Variants in WNT4 observed in about 807,000 individuals in gnomAD.
WNT4 encodes protein Wnt-4.
A neutral mutation model predicts 34.5 loss-of-function variants in WNT4; 16 were observed. That is an observed-to-expected ratio of 0.46 (90% CI 0.31 to 0.70). The LOEUF is 0.70. Among genes scored for constraint, WNT4 ranks in the 30% least tolerant of loss-of-function variants. The pLI, the probability that WNT4 is intolerant of heterozygous loss-of-function variation, is 0.04. For missense variants in WNT4, 379 were observed against 495.9 expected (o/e 0.76, Z 2.24); for synonymous variants, 200 against 211.9 (o/e 0.94, Z 0.49).
chr1:22,126,094 C>T (rs1295831190), intron 2 of WNT4, among the ~76,000 whole-genome samples: 2 of 152,240 alleles, frequency 1.3e-5, no homozygotes, highest in Non-Finnish European at 2.9e-5. Flanking sequence ...CACCGATCCC[C>T]GCCCTCCCGG....
At position 22,119,185 on chromosome 1, in the gene WNT4, T is replaced by G. The variant is rs1645872203; in HGVS notation, c.*865A>C. The G allele has an allele frequency of 8.7e-6, 1 of 114,792 alleles. No individual in the cohort carries two copies. The highest frequency in any genetic ancestry group is 3.6e-5 in the African/African-American group (1 of 27,658). 7.1% of individuals were successfully genotyped at this position (114,792 alleles called of 1,614,324 possible). A position where few individuals can be genotyped will look rare whatever the true frequency, so the allele number is the denominator to read the frequency against. Reference sequence around the variant, plus strand: ...TCTCTCTCGCAGGTGTGTGTGTGTGTCCGTGTGTGTGTGTGTGTGTGTGTG... The same window carrying G: ...TCTCTCTCGCAGGTGTGTGTGTGTGGCCGTGTGTGTGTGTGTGTGTGTGTG... On this transcript the variant is annotated 3_prime_UTR_variant, in exon 5 of 5. Coordinates refer to ENST00000290167, the MANE Select transcript of WNT4 (RefSeq NM_030761.5).
At chr1:22,136,106 G>A (rs1646019692) in intron 1 of WNT4, among the ~76,000 whole-genome samples, 1 of 152,130 alleles carries the variant, frequency 6.6e-6, no homozygotes. Flanking sequence ...CTCACTGTAT[G>A]TATTCCCAGC....
At chr1:22,126,302 G>C (rs914797146) in intron 2 of WNT4, among the ~76,000 whole-genome samples, 6 of 152,174 alleles carry the variant, frequency 3.9e-5, no homozygotes, top group African/African-American at 1.4e-4. Flanking sequence ...TGAGCCGTGT[G>C]GGGGTCAGTT....
chr1:22,120,969 T>C (rs984373394), intron 4 of WNT4, among the ~76,000 whole-genome samples: 1 of 151,944 alleles, frequency 6.6e-6, no homozygotes, highest in Non-Finnish European at 1.5e-5. Flanking sequence ...GATGGACACA[T>C]ATATGTATGT....
chr1:22,142,797 G>A lies in WNT4; in HGVS notation c.77+49C>T. 2 of 1,079,898 alleles carry A rather than the reference G, an allele frequency of 1.9e-6. No individual in the cohort carries two copies. The highest frequency in any genetic ancestry group is 2.3e-6 in the Non-Finnish European group (2 of 876,420). The allele number at this position is 1,079,898 out of a possible 1,614,324, so 66.9% of individuals were successfully genotyped here. The stretch of plus-strand genomic sequence containing the variant: ...CCGCCTGGCACCGGCCGCTGCCCCC[G>A]GGGCCTGCCCCGCCCCGCCCCGCCC... On this transcript the variant is annotated intron_variant, in intron 1 of 4. Transcript: ENST00000290167. The surrounding 1 kb of genome is among the most constrained non-coding windows in gnomAD (Gnocchi z 6.0).
intron 1 of WNT4, among the ~76,000 whole-genome samples, chr1:22,135,446 G>A (rs945236742): frequency 2.6e-5 from 4 of 152,250 alleles, no homozygotes; most frequent in Non-Finnish European, 4.4e-5. Flanking sequence ...ACTGAGGCAT[G>A]AAGTTTGGCA....
In WNT4 at chr1:22,118,878, C is replaced by T. The variant is rs1463807092; in HGVS notation, c.*1172G>A. 6.6e-6 allele frequency: 1 copy of T among 152,228 alleles called. No homozygotes were observed. The allele number at this position is 152,228 out of a possible 1,614,324, so 9.4% of individuals were successfully genotyped here. A position where few individuals can be genotyped will look rare whatever the true frequency, so the allele number is the denominator to read the frequency against. On this transcript the variant is annotated 3_prime_UTR_variant, in exon 5 of 5. Coordinates refer to ENST00000290167, the MANE Select transcript of WNT4 (RefSeq NM_030761.5). ...CTGTGAGAGGTCTGGGGAGCACTGC[C>T]GTCTCTGATGTCAGATGGGCATTAG...
Position 22,137,874 on chromosome 1 carries a change from C to T in WNT4, c.77+4972G>A, listed in dbSNP as rs148243700. 7.6e-4 allele frequency among the ~76,000 whole-genome samples: 116 copies of T among 152,330 alleles called. No homozygotes were observed. The highest frequency in any genetic ancestry group is 2.6e-3 in the African/African-American group (108 of 41,570). On this transcript the variant is annotated intron_variant, in intron 1 of 4. Transcript: ENST00000290167. The surrounding 1 kb of genome is among the most constrained non-coding windows in gnomAD (Gnocchi z 5.3). ...CCCACCTCTGTGCCTTTTAGTATCACCTGAGCCTCAGGGCAGTGGAGCAGA... is the reference window on the plus strand; with the variant it reads ...CCCACCTCTGTGCCTTTTAGTATCATCTGAGCCTCAGGGCAGTGGAGCAGA...
chr1:22,142,897 G>T lies in WNT4; in HGVS notation c.26C>A (p.Ser9Ter). The change falls in exon 1 of 5, where the codon TCG becomes TAG. Residue 9 changes from serine to a stop codon, truncating the protein, a stop_gained. Coordinates refer to ENST00000290167, the MANE Select transcript of WNT4 (RefSeq NM_030761.5). LOFTEE classifies it high-confidence loss of function. This position sits in a 1 kb window ranked among gnomAD's most constrained non-coding sequence, Gnocchi z 6.0. MSPRSCLR[S>*]LRLLVFAVFS... ...GACGGCGAAGACGAGGAGGCGCAGC[G>T]AACGCAGGCACGAGCGGGGACTCAT... The T allele has an allele frequency of 8.3e-7, 1 of 1,208,818 alleles. No individual in the cohort carries two copies. 74.9% of individuals were successfully genotyped at this position (1,208,818 alleles called of 1,614,324 possible). A position where few individuals can be genotyped will look rare whatever the true frequency, so the allele number is the denominator to read the frequency against.
At chr1:22,136,017 C>T (rs1646019005) in intron 1 of WNT4, among the ~76,000 whole-genome samples, 2 of 152,184 alleles carry the variant, frequency 1.3e-5, no homozygotes, top group South Asian at 4.1e-4. Flanking sequence ...TATCCTGGTA[C>T]CCTAGCCCCC....
In WNT4 at chr1:22,127,571, C is replaced by G. The variant is rs1268503484; in HGVS notation, c.313+2045G>C. On this transcript the variant is annotated intron_variant, in intron 2 of 4. Transcript: ENST00000290167. ...GGGAGTGGAGTCGGGTGAGGAGATA[C>G]GCATTTCAATCTAAAAGGTGTGCTA... 9.0e-6 allele frequency: 4 copies of G among 443,746 alleles called. No individual in the cohort carries two copies. The Admixed American group carries it at 9.9e-5, about 11-fold the overall frequency. The allele number at this position is 443,746 out of a possible 1,614,324, so 27.5% of individuals were successfully genotyped here.
chr1:22,126,583 G>A (rs1364555186), intron 2 of WNT4, among the ~76,000 whole-genome samples: 2 of 152,196 alleles, frequency 1.3e-5, no homozygotes, highest in East Asian at 3.9e-4. Context: ...CAGCAAATGG[G>A]GGCTCCTCTC....
At chr1:22,124,300 G>T (rs931870112) in intron 2 of WNT4, among the ~76,000 whole-genome samples, 1 of 152,164 alleles carries the variant, frequency 6.6e-6, no homozygotes, top group Non-Finnish European at 1.5e-5. Flanking sequence ...GAACTCTACG[G>T]TGCCTTCTTC....
Position 22,143,089 on chromosome 1 carries a change from G to T in WNT4, c.-167C>A. On this transcript the variant is annotated 5_prime_UTR_variant, in exon 1 of 5. Transcript: ENST00000290167. ...GCTGCTGCGCCCGCTGCCCGGCGCG[G>T]ACCAGACTGTCAGCGCCGCCCCAGA... 1 of 185,674 alleles carries T rather than the reference G, an allele frequency of 5.4e-6. No homozygotes were observed. Among genetic ancestry groups the T allele is most frequent in the South Asian group, 1.6e-4 (1 of 6,156 alleles). The allele number at this position is 185,674 out of a possible 1,614,324, so 11.5% of individuals were successfully genotyped here.
chr1:22,125,980 T>C (rs920082729), intron 2 of WNT4, among the ~76,000 whole-genome samples: 4 of 152,204 alleles, frequency 2.6e-5, no homozygotes, highest in Non-Finnish European at 1.5e-5. Context: ...TATTTGTTGA[T>C]TACCTATTAT....
chr1:22,121,185 C>T (rs893490747), intron 4 of WNT4, 26 bp downstream of exon 4: 6 of 1,613,404 alleles, frequency 3.7e-6, no homozygotes, highest in Middle Eastern at 1.7e-4. Context: ...CTACCCCGCT[C>T]TTGGTGGGGG....
At chr1:22,124,123 T>G (rs2124105467) in intron 2 of WNT4, among the ~76,000 whole-genome samples, 1 of 152,300 alleles carries the variant, frequency 6.6e-6, no homozygotes, top group Middle Eastern at 3.4e-3. Context: ...AGCACTCTCC[T>G]CAGGGGCCAC....
chr1:22,138,876 G>A (rs544018464), intron 1 of WNT4, among the ~76,000 whole-genome samples: 5 of 152,292 alleles, frequency 3.3e-5, no homozygotes, highest in South Asian at 2.1e-4. Flanking sequence ...ACTGTCCCCC[G>A]GCCCCCGGGC....
At chr1:22,141,064 G>C (rs971657301) in intron 1 of WNT4, among the ~76,000 whole-genome samples, 32 of 152,204 alleles carry the variant, frequency 2.1e-4, no homozygotes, top group African/African-American at 7.5e-4. Flanking sequence ...TCAGGGAAGG[G>C]GGTATAGGGT....
Sources: allele counts gnomAD v4.1 joint callset (sites outside exome capture counted in the v4.1 genomes callset), GRCh38; gene constraint gnomAD v4.1.1; non-coding constraint Gnocchi (gnomAD v3.1); transcripts MANE v1.5; gene names NCBI Gene and HGNC (gene_info 2026-07-23, HGNC 2026-07-21).